FBXL7: variants seen among roughly 807,000 people sequenced by gnomAD.
FBXL7 encodes the protein F-box/LRR-repeat protein 7.
A neutral mutation model predicts 38.3 loss-of-function variants in FBXL7; 12 were observed. The observed-to-expected ratio is 0.31, with a 90% CI of 0.20 to 0.51. The LOEUF is 0.51. FBXL7 is among the 20% of genes least tolerant of loss of function. The probability of loss-of-function intolerance (pLI) is 0.98; values close to 1 mark genes in which losing one functional copy is unlikely to be tolerated. For synonymous variants in FBXL7, 297 were observed against 300.9 expected (o/e 0.99, Z 0.13); for missense variants, 567 against 676.4 (o/e 0.84, Z 1.79).
In FBXL7 at chr5:15,937,285, C is replaced by G. The variant is rs1234679104; in HGVS notation, c.*99C>G. 1 of 1,347,294 alleles carries G rather than the reference C, an allele frequency of 7.4e-7. No homozygotes were observed. 83.5% of individuals were successfully genotyped at this position (1,347,294 alleles called of 1,614,324 possible). On this transcript the variant is annotated 3_prime_UTR_variant, in exon 4 of 4. Coordinates refer to ENST00000504595, the MANE Select transcript of FBXL7 (RefSeq NM_012304.5). ...AAGCACCGACACCCACTCAAAACAG[C>G]TCTTTCTTCCGGGAAGGTTATTAGG... is the stretch of plus-strand genomic sequence containing the variant.
intron 2 of FBXL7, among the ~76,000 whole-genome samples, chr5:15,706,332 A>G (rs1221435144): frequency 1.3e-5 from 2 of 152,098 alleles, no homozygotes; most frequent in Non-Finnish European, 2.9e-5. Flanking sequence ...CACTTTTGTC[A>G]TGTGATGTGC....
chr5:15,622,726 A>G (rs1740695720), intron 2 of FBXL7, among the ~76,000 whole-genome samples: 1 of 152,050 alleles, frequency 6.6e-6, no homozygotes, highest in Non-Finnish European at 1.5e-5. Context: ...ATTTTTTGAG[A>G]TGGAGTCTTA....
intron 1 of FBXL7, among the ~76,000 whole-genome samples, chr5:15,514,623 C>A (rs999261229): frequency 6.6e-6 from 1 of 152,104 alleles, no homozygotes; most frequent in Admixed American, 6.5e-5. Context: ...CATTGTAATC[C>A]ATTTCTCTCT....
chr5:15,651,825 C>T (rs1741718307), intron 2 of FBXL7, among the ~76,000 whole-genome samples: 1 of 152,314 alleles, frequency 6.6e-6, no homozygotes, highest in African/African-American at 2.4e-5. Context: ...ATTGACTTCT[C>T]TCTAGCTGTG....
At chr5:15,758,103 C>T (rs560148079) in intron 2 of FBXL7, among the ~76,000 whole-genome samples, 253 of 152,142 alleles carry the variant, frequency 1.7e-3, no homozygotes, top group Non-Finnish European at 3.2e-3. Context: ...CCACCAAGTC[C>T]AGGGTGTCCC....
intron 2 of FBXL7, among the ~76,000 whole-genome samples, chr5:15,695,772 A>C (rs1003023497): frequency 2.6e-5 from 4 of 152,136 alleles, no homozygotes; most frequent in African/African-American, 9.7e-5. Flanking sequence ...CAACACATGA[A>C]AGTTAGAGTT....
intron 1 of FBXL7, among the ~76,000 whole-genome samples, chr5:15,581,262 A>C (rs924362281): frequency 5.9e-5 from 9 of 152,174 alleles, no homozygotes; most frequent in Non-Finnish European, 1.2e-4. Context: ...CATTAAAAAA[A>C]ATCAACTTAT....
intron 1 of FBXL7, among the ~76,000 whole-genome samples, chr5:15,561,500 T>G (rs1738415947): frequency 6.6e-6 from 1 of 152,204 alleles, no homozygotes; most frequent in Non-Finnish European, 1.5e-5. Context: ...TCTTGGCTAT[T>G]GTCAATAATG....
At chr5:15,883,037 C>A (rs999552816) in intron 2 of FBXL7, among the ~76,000 whole-genome samples, 1 of 151,964 alleles carries the variant, frequency 6.6e-6, no homozygotes, top group African/African-American at 2.4e-5. Flanking sequence ...CAATAATTAT[C>A]TCATCTTTCA....
At chr5:15,648,895 C>T (rs1274347439) in intron 2 of FBXL7, among the ~76,000 whole-genome samples, 1 of 143,546 alleles carries the variant, frequency 7.0e-6, no homozygotes, top group Non-Finnish European at 1.5e-5. Context: ...TCAATTTCAA[C>T]TTTTTTTTTT....
chr5:15,500,438 A>C lies in FBXL7; in HGVS notation c.-239A>C. On this transcript the variant is annotated 5_prime_UTR_variant, in exon 1 of 4. Transcript: ENST00000504595. Reference sequence around the variant, plus strand: ...CTGCGCCCGCCGGCCCCCAGCGCGGATTGTAAGTGCTGCAGCTGTGCCCGG... The same window carrying C: ...CTGCGCCCGCCGGCCCCCAGCGCGGCTTGTAAGTGCTGCAGCTGTGCCCGG... 2.0e-6 allele frequency: 1 copy of C among 505,486 alleles called. No individual in the cohort carries two copies. 31.3% of individuals were successfully genotyped at this position (505,486 alleles called of 1,614,324 possible). A position where few individuals can be genotyped will look rare whatever the true frequency, so the allele number is the denominator to read the frequency against.
intron 2 of FBXL7, among the ~76,000 whole-genome samples, chr5:15,806,423 T>C (rs561385064): frequency 1.1e-4 from 17 of 152,100 alleles, no homozygotes; most frequent in African/African-American, 3.6e-4. Flanking sequence ...TCCTATGGCC[T>C]GAAAAAAAAA....
intron 2 of FBXL7, among the ~76,000 whole-genome samples, chr5:15,638,796 C>T (rs1367790424): frequency 6.6e-6 from 1 of 152,100 alleles, no homozygotes; most frequent in Non-Finnish European, 1.5e-5. Flanking sequence ...ATGCTGATTG[C>T]TAGAAATTTC....
chr5:15,936,895 G>T lies in FBXL7; in HGVS notation c.1185G>T (p.Glu395Asp), dbSNP rs1396565216. 6.2e-7 allele frequency: 1 copy of T among 1,614,052 alleles called. No individual in the cohort carries two copies. Among genetic ancestry groups the T allele is most frequent in the South Asian group, 1.1e-5 (1 of 91,086 alleles). ...AGGGCATCACGGACCACGGTGTGGAGTACCTCGCCAAGAACTGCACCAAAC... is the reference window on the plus strand; with the variant it reads ...AGGGCATCACGGACCACGGTGTGGATTACCTCGCCAAGAACTGCACCAAAC... ...GCEGITDHGV[E>D]YLAKNCTKLK... is the part of the protein sequence containing the mutation. Residue 395 changes from glutamate (E) to aspartate (D), a missense_variant, in exon 4 of 4, where the codon GAG becomes GAT. Transcript: ENST00000504595. The surrounding 1 kb of genome is among the most constrained non-coding windows in gnomAD (Gnocchi z 6.0).
chr5:15,845,033 G>T (rs1401900463), intron 2 of FBXL7, among the ~76,000 whole-genome samples: 1 of 152,130 alleles, frequency 6.6e-6, no homozygotes, highest in Non-Finnish European at 1.5e-5. Flanking sequence ...TTAGCCATCG[G>T]CCTTCTGTGC....
intron 2 of FBXL7, among the ~76,000 whole-genome samples, chr5:15,768,182 A>C (rs527422265): frequency 6.6e-6 from 1 of 152,244 alleles, no homozygotes; most frequent in African/African-American, 2.4e-5. Context: ...ATACCCTACT[A>C]CTTTACAGGT....
intron 2 of FBXL7, among the ~76,000 whole-genome samples, chr5:15,644,372 G>C (rs1741464981): frequency 6.6e-6 from 1 of 151,606 alleles, no homozygotes. Context: ...CTACTCAGGA[G>C]GCTGAGGCAG....
chr5:15,589,074 A>G lies in FBXL7; in HGVS notation c.38-26909A>G, dbSNP rs1268847449. ...ACGTACAAAGTATGCTAACTGAGAAAGAAAGGTGGATATACAAGAGGAAGA... is the reference window on the plus strand; with the variant it reads ...ACGTACAAAGTATGCTAACTGAGAAGGAAAGGTGGATATACAAGAGGAAGA... On this transcript the variant is annotated intron_variant, in intron 1 of 3. Coordinates refer to ENST00000504595, the MANE Select transcript of FBXL7 (RefSeq NM_012304.5). Among the ~76,000 whole-genome samples the G allele has an allele frequency of 4.6e-5, 7 of 152,226 alleles. No individual in the cohort carries two copies. The East Asian group carries it at 1.2e-3, about 25-fold the overall frequency.
At chr5:15,661,188 A>ATTCAAC (rs1316245141) in intron 2 of FBXL7, among the ~76,000 whole-genome samples, 2 of 152,174 alleles carry the variant, frequency 1.3e-5, no homozygotes, top group African/African-American at 2.4e-5. Context: ...ACAAATTCAA[A>ATTCAAC]TTCAAATTAT....
Sources: allele counts gnomAD v4.1 joint callset (sites outside exome capture counted in the v4.1 genomes callset), GRCh38; gene constraint gnomAD v4.1.1; non-coding constraint Gnocchi (gnomAD v3.1); transcripts MANE v1.5; gene names NCBI Gene and HGNC (gene_info 2026-07-23, HGNC 2026-07-21).